TG: variants seen among roughly 807,000 people sequenced by gnomAD.
TG encodes thyroid hormones.
A neutral mutation model predicts 324.7 loss-of-function variants in TG; 270 were observed. The observed-to-expected ratio is 0.83, with a 90% confidence interval of 0.75 to 0.92. The LOEUF (loss-of-function observed/expected upper bound fraction) is 0.92, where lower values mean the gene tolerates loss of function less well. TG is among the 40% of genes least tolerant of loss of function. The pLI is 0.00. For synonymous variants in TG, 1,401 were observed against 1,327.0 expected, an observed-to-expected ratio of 1.06 and a Z score of -1.21; for missense variants, 3,591 against 3,456.4, an observed-to-expected ratio of 1.04 and a Z score of -0.98.
chr8:133,020,553 C>T (rs1468598317), intron 39 of TG, among the ~76,000 whole-genome samples: 1 of 152,122 alleles, frequency 6.6e-6, no homozygotes, highest in Non-Finnish European at 1.5e-5. Flanking sequence ...TCCCACAGAA[C>T]AGGACAAATG....
chr8:133,120,349 G>C (rs1465477006), intron 45 of TG, among the ~76,000 whole-genome samples: 1 of 152,228 alleles, frequency 6.6e-6, no homozygotes, highest in Non-Finnish European at 1.5e-5. Flanking sequence ...TATCATTGCT[G>C]TGAGAATCAA....
chr8:133,013,585 C>T lies in TG; in HGVS notation c.6398-15C>T, dbSNP rs769303561. On this transcript the variant is annotated splice_polypyrimidine_tract_variant and intron_variant, in intron 36 of 47. Coordinates refer to ENST00000220616, the MANE Select transcript of TG (RefSeq NM_003235.5). ...TCTGAGGCCCAAGCATCACTCTTCT[C>T]CCTCTTTTCTGCAGAATGTTCCCAA... is the stretch of plus-strand genomic sequence containing the variant. 6.2e-7 allele frequency: 1 copy of T among 1,613,912 alleles called. No homozygotes were observed. The highest frequency in any genetic ancestry group is 1.3e-5 in the African/African-American group (1 of 74,924).
intron 41 of TG, chr8:133,047,641 G>C (rs745335916): frequency 1.8e-5 from 11 of 605,392 alleles, no homozygotes; most frequent in Non-Finnish European, 3.0e-5. Context: ...GCTCCCCACT[G>C]CCTGTCTCTA....
intron 11 of TG, among the ~76,000 whole-genome samples, chr8:132,896,415 C>A (rs1251088268): frequency 6.6e-6 from 1 of 152,182 alleles, no homozygotes; most frequent in African/African-American, 2.4e-5. Context: ...AGCCATGAAG[C>A]CTGTTTCTGA....
rs1327226224 is a variant in TG at position 132,886,728 on chromosome 8, G to A, written c.1356G>A (p.Gly452=). The A allele has an allele frequency of 6.2e-7, 1 of 1,614,176 alleles. No homozygotes were observed. The highest frequency in any genetic ancestry group is 8.5e-7 in the Non-Finnish European group (1 of 1,180,034). The change falls in exon 9 of 48, where the codon GGG becomes GGA. Residue 452 remains glycine (G), a synonymous_variant. Coordinates refer to ENST00000220616, the MANE Select transcript of TG (RefSeq NM_003235.5). ...TCCGAGCAATTTTTCCCTCCCGAGG[G>A]CTGGCTCGTCTTGCCCTTCAGTTTA... ...EAIRAIFPSR[G]LARLALQFTT...
At chr8:132,974,907 A>G (rs960238985) in intron 34 of TG, among the ~76,000 whole-genome samples, 4 of 152,172 alleles carry the variant, frequency 2.6e-5, no homozygotes, top group Non-Finnish European at 4.4e-5. Flanking sequence ...TACCAGTTTG[A>G]ATGGAATCTT....
At chr8:133,119,912 A>G (rs542310076) in intron 45 of TG, among the ~76,000 whole-genome samples, 3 of 152,332 alleles carry the variant, frequency 2.0e-5, no homozygotes, top group African/African-American at 7.2e-5. Flanking sequence ...TTGTAAGAAG[A>G]AAAATAAGTG....
chr8:133,021,550 G>A (rs1221073476), intron 39 of TG, among the ~76,000 whole-genome samples: 4 of 152,218 alleles, frequency 2.6e-5, no homozygotes, highest in Admixed American at 6.5e-5. Context: ...TGCAAGCTGT[G>A]TGGCTTAAAC....
Position 132,948,937 on chromosome 8 carries a change from A to G in TG, c.5395A>G (p.Ile1799Val), listed in dbSNP as rs747710960. The G allele has an allele frequency of 2.5e-6, 4 of 1,613,352 alleles. No homozygotes were observed. The highest frequency in any genetic ancestry group is 3.4e-6 in the Non-Finnish European group (4 of 1,179,982). ...VILRLGDQEF[I>V]KSLTPLEGTQ... ...ATTGCGTCTTGGAGACCAGGAGTTC[A>G]TCAAGAGTAAGTCTTTGCCATTTGT... The change falls in exon 27 of 48, where the codon ATC becomes GTC. Residue 1799 changes from isoleucine (I) to valine (V), a missense_variant. Coordinates refer to ENST00000220616, the MANE Select transcript of TG (RefSeq NM_003235.5).
chr8:132,906,095 G>A (rs1818637896), intron 16 of TG, among the ~76,000 whole-genome samples: 1 of 152,204 alleles, frequency 6.6e-6, no homozygotes, highest in Non-Finnish European at 1.5e-5. Context: ...AAAGGCAGGA[G>A]GAGGTGAGGC....
At chr8:132,935,484 C>CT (rs1468259216) in intron 24 of TG, among the ~76,000 whole-genome samples, 1 of 152,158 alleles carries the variant, frequency 6.6e-6, no homozygotes. Context: ...CTCAGACTCA[C>CT]TTTTTCTGGG....
chr8:132,870,996 C>G (rs978363000), intron 3 of TG, among the ~76,000 whole-genome samples: 16 of 152,146 alleles, frequency 1.1e-4, no homozygotes, highest in African/African-American at 3.9e-4. Context: ...AGCCTACAAG[C>G]AGAGTGGTGA....
intron 41 of TG, among the ~76,000 whole-genome samples, chr8:133,059,937 A>G (rs771034420): frequency 6.6e-6 from 1 of 152,232 alleles, no homozygotes. Flanking sequence ...TCTTTTAATT[A>G]TGAAGTATTT....
chr8:132,954,208 T>G (rs1430259054), intron 27 of TG, among the ~76,000 whole-genome samples: 1 of 152,136 alleles, frequency 6.6e-6, no homozygotes, highest in Non-Finnish European at 1.5e-5. Context: ...CAGACGCATC[T>G]AGATGAGATG....
At chr8:132,891,216 G>C (rs1191367101) in intron 10 of TG, among the ~76,000 whole-genome samples, 1 of 152,164 alleles carries the variant, frequency 6.6e-6, no homozygotes, top group Non-Finnish European at 1.5e-5. Flanking sequence ...CTTTGGGACA[G>C]AGGAAATAGC....
At chr8:132,978,905 C>T (rs1483795671) in intron 34 of TG, among the ~76,000 whole-genome samples, 1 of 152,188 alleles carries the variant, frequency 6.6e-6, no homozygotes, top group Non-Finnish European at 1.5e-5. Flanking sequence ...AGACCTAGTG[C>T]AGCAGAGCAC....
chr8:133,093,027 C>T (rs907264133), intron 41 of TG, among the ~76,000 whole-genome samples: 5 of 152,178 alleles, frequency 3.3e-5, no homozygotes, highest in African/African-American at 1.2e-4. Context: ...CTGACATTCA[C>T]ATCTCCTCTC....
At chr8:133,019,571 G>A in intron 38 of TG, 31 bp from the exon 39 acceptor site, 1 of 1,601,928 alleles carries the variant, frequency 6.2e-7, no homozygotes, top group Non-Finnish European at 8.5e-7. Context: ...GATGGAGCAT[G>A]TCTTGGAAGT....
At chr8:133,056,669 C>T (rs1449396392) in intron 41 of TG, among the ~76,000 whole-genome samples, 1 of 152,316 alleles carries the variant, frequency 6.6e-6, no homozygotes, top group Non-Finnish European at 1.5e-5. Flanking sequence ...TAGGCAGAAG[C>T]CTCGTGGGGC....
Sources: allele counts gnomAD v4.1 joint callset (sites outside exome capture counted in the v4.1 genomes callset), GRCh38; gene constraint gnomAD v4.1.1; transcripts MANE v1.5; gene names NCBI Gene and HGNC (gene_info 2026-07-23, HGNC 2026-07-21).